The following KIN variants were observed in gnomAD, a reference collection of about 807,000 sequenced individuals.
The protein encoded by KIN is DNA/RNA-binding protein KIN17.
Under a neutral mutation model 63.0 loss-of-function variants are expected in KIN, and 47 were observed. That is an observed-to-expected ratio of 0.75 (90% confidence interval 0.59 to 0.95). KIN has a LOEUF of 0.95. Ranked by LOEUF, KIN falls within the 40% of genes least tolerant of loss-of-function variation. KIN has a pLI of 0.00. For missense variants in KIN, 408 were observed against 460.9 expected (o/e 0.89, Z 1.05); for synonymous variants, 160 against 157.7 (o/e 1.01, Z -0.11).
At position 7,752,152 on chromosome 10, in the gene KIN, G is replaced by C. The variant is rs1006055869; in HGVS notation, c.*3928C>G. The C allele has an allele frequency of 1.3e-5, 2 of 151,956 alleles. No individual in the cohort carries two copies. The highest frequency in any genetic ancestry group is 3.9e-4 in the East Asian group (2 of 5,186). 9.4% of individuals were successfully genotyped at this position (151,956 alleles called of 1,614,324 possible). ...AATGAGAAGACAGGCCACTGACTGA[G>C]AGAAAATACTTGCAAAAGACACATT... On this transcript the variant is annotated 3_prime_UTR_variant, in exon 13 of 13. Coordinates refer to ENST00000379562, the MANE Select transcript of KIN (RefSeq NM_012311.4).
chr10:7,769,106 C>T, intron 8 of KIN, 110 bp downstream of exon 8: 1 of 997,450 alleles, frequency 1.0e-6, no homozygotes. Context: ...GTCACTATTC[C>T]CTAGTCCGTA....
intron 8 of KIN, chr10:7,766,305 TA>T: frequency 2.2e-6 from 1 of 463,820 alleles, no homozygotes; most frequent in South Asian, 3.4e-5. Flanking sequence ...CTTCAGTTTT[TA>T]AAAGTATATA....
intron 6 of KIN, 152 bp from the exon 7 acceptor site, chr10:7,775,043 C>T: frequency 1.6e-6 from 1 of 617,850 alleles, no homozygotes; most frequent in Middle Eastern, 4.4e-4. Flanking sequence ...CCACACATTC[C>T]TGTAAAACGT....
rs1437821409 is a variant in KIN, at chr10:7,769,249, C to T, written c.765G>A (p.Lys255=). Reference sequence around the variant, plus strand: ...TTTCATCCAGTGCAGATTTCTTTTTCTTCTTTTCTTTAGACTGAGTTGAGC... The same window carrying T: ...TTTCATCCAGTGCAGATTTCTTTTTTTTCTTTTCTTTAGACTGAGTTGAGC... ...SQSSTQSKEK[K]KKKSALDEIM... The change falls in exon 8 of 13, where the codon AAG becomes AAA. Residue 255 remains lysine (K), a synonymous_variant. Coordinates refer to ENST00000379562, the MANE Select transcript of KIN (RefSeq NM_012311.4). 6.2e-7 allele frequency: 1 copy of T among 1,612,824 alleles called. No individual in the cohort carries two copies. The highest frequency in any genetic ancestry group is 1.1e-5 in the South Asian group (1 of 90,926).
At position 7,783,076 on chromosome 10, in the gene KIN, C is replaced by G. The variant is rs1462415329; in HGVS notation, c.209+5G>C. On this transcript the variant is annotated splice_donor_5th_base_variant and intron_variant, in intron 2 of 12. Transcript: ENST00000379562. The stretch of plus-strand genomic sequence containing the variant: ...ATAAGATAAAGAGTTCTTTGAGTTA[C>G]TTACTCTGAAAAATAATCCATAAAC... The G allele has an allele frequency of 6.6e-7, 1 of 1,525,518 alleles. No individual in the cohort carries two copies. The allele number at this position is 1,525,518 out of a possible 1,614,324, so 94.5% of individuals were successfully genotyped here.
intron 10 of KIN, 136 bp from the exon 11 acceptor site, chr10:7,762,692 T>G: frequency 1.9e-6 from 1 of 526,568 alleles, no homozygotes; most frequent in Admixed American, 3.7e-5. Flanking sequence ...ATGACACTAT[T>G]TTCTAGATTC....
At chr10:7,768,468 C>A (rs1336745215) in intron 8 of KIN, among the ~76,000 whole-genome samples, 1 of 151,978 alleles carries the variant, frequency 6.6e-6, no homozygotes, top group East Asian at 1.9e-4. Flanking sequence ...CTGCAGTGAG[C>A]CGAGATTGTG....
At position 7,774,860 on chromosome 10, in the gene KIN, G is replaced by C; in HGVS notation, c.639C>G (p.Ser213Arg). 2 of 1,613,190 alleles carry C rather than the reference G, an allele frequency of 1.2e-6. No homozygotes were observed. The highest frequency in any genetic ancestry group is 8.5e-7 in the Non-Finnish European group (1 of 1,179,262). ...VTFNLSKGACSSSGATSSKSS... is the reference protein window; with the variant it reads ...VTFNLSKGACRSSGATSSKSS... ...ACTTGGAAGATGTTGCTCCGGATGA[G>C]CTACATGCTCCTTTACTCAAATTAA... Residue 213 changes from serine (S) to arginine (R), a missense_variant, in exon 7 of 13, where the codon AGC (serine) becomes AGG (arginine). Physicochemically the swap from Ser to Arg is moderately radical, Grantham distance 110 (BLOSUM62 -1). Around this residue, in one of 2 missense-constraint regions of KIN, gnomAD observed 298 missense variants for 296.0 expected, o/e 1.01. Coordinates refer to ENST00000379562, the MANE Select transcript of KIN (RefSeq NM_012311.4).
At chr10:7,782,092 C>A (rs1216489689) in intron 2 of KIN, among the ~76,000 whole-genome samples, 1 of 152,006 alleles carries the variant, frequency 6.6e-6, no homozygotes, top group Non-Finnish European at 1.5e-5. Context: ...ATTTATAAAC[C>A]AATTTTTTTA....
chr10:7,759,107 T>C (rs566462311), intron 12 of KIN, among the ~76,000 whole-genome samples: 3 of 152,322 alleles, frequency 2.0e-5, no homozygotes, highest in Non-Finnish European at 2.9e-5. Context: ...TTATGTGCAA[T>C]GTTTTGAAGA....
In KIN at chr10:7,753,058, T is replaced by C. The variant is rs771207552; in HGVS notation, c.*3022A>G. 2.0e-5 allele frequency: 3 copies of C among 152,220 alleles called. No homozygotes were observed. Among genetic ancestry groups the C allele is most frequent in the Non-Finnish European group, 4.4e-5 (3 of 68,030 alleles). The allele number at this position is 152,220 out of a possible 1,614,324, so 9.4% of individuals were successfully genotyped here. A position where few individuals can be genotyped will look rare whatever the true frequency, so the allele number is the denominator to read the frequency against. On this transcript the variant is annotated 3_prime_UTR_variant, in exon 13 of 13. Coordinates refer to ENST00000379562, the MANE Select transcript of KIN (RefSeq NM_012311.4). ...TGCTCTAAAAAGTAAAGTCTATGTT[T>C]GAAATAAAGAAAAATAGCTTATGAT...
intron 7 of KIN, among the ~76,000 whole-genome samples, chr10:7,771,890 C>T (rs1415418303): frequency 3.2e-5 from 4 of 125,002 alleles, no homozygotes; most frequent in South Asian, 4.7e-4. Flanking sequence ...AGCGAAATTC[C>T]GTCTCAAAAA....
intron 8 of KIN, among the ~76,000 whole-genome samples, chr10:7,768,715 G>A (rs917168324): frequency 7.2e-5 from 11 of 152,114 alleles, no homozygotes; most frequent in African/African-American, 2.7e-4. Flanking sequence ...AGCACCTGAG[G>A]CATTAAAAGA....
chr10:7,778,899 T>C lies in KIN; in HGVS notation c.497A>G (p.Glu166Gly). 6.2e-7 allele frequency: 1 copy of C among 1,614,118 alleles called. No homozygotes were observed. Among genetic ancestry groups the C allele is most frequent in the Non-Finnish European group, 8.5e-7 (1 of 1,179,996 alleles). ...TTCAATAAATTTGGCAGTTTTTTCTTCATCATCAAGGTCCTGCTTTTTCTT... is the reference window on the plus strand; with the variant it reads ...TTCAATAAATTTGGCAGTTTTTTCTCCATCATCAAGGTCCTGCTTTTTCTT... ...EKKKKQDLDD[E>G]EKTAKFIEEQ... The change falls in exon 5 of 13, where the codon GAA becomes GGA. Residue 166 changes from glutamate to glycine, a missense_variant. Glu to Gly is a moderately conservative substitution (Grantham distance 98). This residue lies in a region of KIN where 298 missense variants were observed against 296.0 expected (regional missense o/e 1.01). Transcript: ENST00000379562.
rs1225659643 is a variant in KIN at position 7,754,299 on chromosome 10, C to T, written c.*1781G>A. On this transcript the variant is annotated 3_prime_UTR_variant, in exon 13 of 13. Coordinates refer to ENST00000379562, the MANE Select transcript of KIN (RefSeq NM_012311.4). ...GCAGTGAGCCATGATTGTGCCACTG[C>T]ACTCCAGGCTGGATGACAGAGCAAG... The T allele has an allele frequency of 1.2e-5, 4 of 337,644 alleles. No individual in the cohort carries two copies. Among genetic ancestry groups the T allele is most frequent in the African/African-American group, 4.4e-5 (2 of 45,882 alleles). 20.9% of individuals were successfully genotyped at this position (337,644 alleles called of 1,614,324 possible).
At chr10:7,780,006 T>C (rs1426241868) in intron 4 of KIN, 50 bp downstream of exon 4, 4 of 1,578,630 alleles carry the variant, frequency 2.5e-6, no homozygotes, top group South Asian at 1.1e-5. Context: ...TCTCATCCTA[T>C]GAAGATTAGA....
chr10:7,775,383 C>T (rs1209603689), intron 6 of KIN, among the ~76,000 whole-genome samples: 1 of 152,190 alleles, frequency 6.6e-6, no homozygotes, highest in Non-Finnish European at 1.5e-5. Flanking sequence ...TAACAAGATT[C>T]TAGAAGAGCA....
chr10:7,771,813 T>G (rs981961447), intron 7 of KIN, among the ~76,000 whole-genome samples: 3 of 150,824 alleles, frequency 2.0e-5, no homozygotes, highest in Non-Finnish European at 4.4e-5. Flanking sequence ...GAGAATCGCT[T>G]GAACTTGGAA....
In KIN at chr10:7,778,832, A is replaced by T; in HGVS notation, c.558+6T>A. On this transcript the variant is annotated splice_donor_region_variant and intron_variant, in intron 5 of 12. Coordinates refer to ENST00000379562, the MANE Select transcript of KIN (RefSeq NM_012311.4). ...GTTGCTTCTCAGGATGATGTTGCTTACCCACCTGTTCCTTCCCTTCCAGGC... is the reference window on the plus strand; with the variant it reads ...GTTGCTTCTCAGGATGATGTTGCTTTCCCACCTGTTCCTTCCCTTCCAGGC... The T allele has an allele frequency of 6.2e-7, 1 of 1,612,938 alleles. No individual in the cohort carries two copies. The highest frequency in any genetic ancestry group is 8.5e-7 in the Non-Finnish European group (1 of 1,179,708).
Sources: allele counts gnomAD v4.1 joint callset (sites outside exome capture counted in the v4.1 genomes callset), GRCh38; gene constraint gnomAD v4.1.1; regional missense constraint gnomAD v4.1.1; transcripts MANE v1.5; gene names NCBI Gene and HGNC (gene_info 2026-07-23, HGNC 2026-07-21).